MTPN: variants seen among roughly 807,000 people sequenced by gnomAD.
MTPN encodes the protein granule cell differentiation protein.
MTPN carries 2 observed loss-of-function variants against 13.5 expected under a neutral mutation model. The ratio of observed to expected loss-of-function variants is 0.15; its 90% CI spans 0.06 to 0.47. MTPN has a LOEUF of 0.47. Ranked by LOEUF, MTPN falls within the 20% of genes least tolerant of loss-of-function variation. The pLI, the probability that MTPN is intolerant of heterozygous loss-of-function variation, is 0.97. For missense variants in MTPN, 79 were observed against 137.9 expected (o/e 0.57, Z 2.14); for synonymous variants, 46 against 51.7 (o/e 0.89, Z 0.48).
chr7:135,969,096 G>C (rs796223984), intron 1 of MTPN, among the ~76,000 whole-genome samples: 2 of 97,686 alleles, frequency 2.0e-5, no homozygotes, highest in African/African-American at 8.3e-5. Context: ...GGTGGGGGGG[G>C]GGGAGGAGGG....
chr7:135,957,152 T>C (rs1444023978), intron 1 of MTPN, among the ~76,000 whole-genome samples: 2 of 152,234 alleles, frequency 1.3e-5, no homozygotes, highest in Non-Finnish European at 2.9e-5. Flanking sequence ...TCTCTAAATA[T>C]GGTATATTCC....
chr7:135,957,976 A>G (rs548683086), intron 1 of MTPN, among the ~76,000 whole-genome samples: 1 of 152,150 alleles, frequency 6.6e-6, no homozygotes, highest in African/African-American at 2.4e-5. Context: ...AACCAAATAA[A>G]CCTTGTTCTT....
chr7:135,961,093 TAAGTA>T (rs941155768), intron 1 of MTPN, among the ~76,000 whole-genome samples: 11 of 152,044 alleles, frequency 7.2e-5, no homozygotes, highest in African/African-American at 2.7e-4. Context: ...AAAACTCAAT[TAAGTA>T]AAGACTTGAG....
chr7:135,948,440 A>C (rs1331216220), intron 3 of MTPN, among the ~76,000 whole-genome samples: 2 of 152,166 alleles, frequency 1.3e-5, no homozygotes, highest in Non-Finnish European at 2.9e-5. Flanking sequence ...GACACAAAAG[A>C]ACAAAATGGG....
intron 1 of MTPN, among the ~76,000 whole-genome samples, chr7:135,969,037 G>T (rs1481791671): frequency 7.5e-6 from 1 of 132,950 alleles, no homozygotes; most frequent in African/African-American, 2.8e-5. Flanking sequence ...GTGGTGTTTG[G>T]TTTTTTGTTC....
At chr7:135,965,851 T>C (rs1799596566) in intron 1 of MTPN, among the ~76,000 whole-genome samples, 1 of 152,148 alleles carries the variant, frequency 6.6e-6, no homozygotes, top group Admixed American at 6.6e-5. Flanking sequence ...AAGTGGTATA[T>C]GGTAAACCAA....
intron 1 of MTPN, among the ~76,000 whole-genome samples, chr7:135,963,964 T>G (rs989003591): frequency 6.6e-6 from 1 of 152,022 alleles, no homozygotes; most frequent in Non-Finnish European, 1.5e-5. Flanking sequence ...TTTAAAAGCT[T>G]GTGGGAAATT....
intron 3 of MTPN, among the ~76,000 whole-genome samples, chr7:135,937,572 A>G (rs1176967570): frequency 6.6e-6 from 1 of 152,210 alleles, no homozygotes; most frequent in Non-Finnish European, 1.5e-5. Context: ...ACTTTTGTAT[A>G]CTTTAAATTA....
Position 135,929,847 on chromosome 7 carries a change from TAGAG to T in MTPN, c.*75_*78del, listed in dbSNP as rs754512125. 2.2e-6 allele frequency: 3 copies of T among 1,347,438 alleles called. No individual in the cohort carries two copies. Among genetic ancestry groups the T allele is most frequent in the Admixed American group, 1.7e-5 (1 of 59,454 alleles). 83.5% of individuals were successfully genotyped at this position (1,347,438 alleles called of 1,614,324 possible). ...GTATTTAGCTGAAGAAGCTGGCAGA[TAGAG>T]AGTGACAGACAGACAGGCAGCAGTG... is the stretch of plus-strand genomic sequence containing the variant. On this transcript the variant is annotated 3_prime_UTR_variant, in exon 4 of 4. Transcript: ENST00000393085.
chr7:135,971,350 G>C (rs1162991156), intron 1 of MTPN, among the ~76,000 whole-genome samples: 1 of 152,190 alleles, frequency 6.6e-6, no homozygotes, highest in Non-Finnish European at 1.5e-5. Context: ...TCACCTGTAA[G>C]CATGTTGGAT....
At chr7:135,969,554 T>C (rs1283134943) in intron 1 of MTPN, among the ~76,000 whole-genome samples, 2 of 151,454 alleles carry the variant, frequency 1.3e-5, no homozygotes, top group African/African-American at 4.8e-5. Flanking sequence ...CATGCCTTAC[T>C]TCAAAATAAA....
chr7:135,929,804 C>A lies in MTPN; in HGVS notation c.*122G>T. On this transcript the variant is annotated 3_prime_UTR_variant, in exon 4 of 4. Coordinates refer to ENST00000393085, the MANE Select transcript of MTPN (RefSeq NM_145808.4). The stretch of plus-strand genomic sequence containing the variant: ...TCGGATTTGTTATGAATTTCTCTCT[C>A]CCCTCACCCCTCTTAAAGTATTTAG... 1.0e-6 allele frequency: 1 copy of A among 976,514 alleles called. No homozygotes were observed. The highest frequency in any genetic ancestry group is 2.4e-5 in the East Asian group (1 of 41,116). 60.5% of individuals were successfully genotyped at this position (976,514 alleles called of 1,614,324 possible).
chr7:135,944,915 G>A (rs1213254906), intron 3 of MTPN, among the ~76,000 whole-genome samples: 3 of 152,130 alleles, frequency 2.0e-5, no homozygotes, highest in South Asian at 2.1e-4. Context: ...TTTCATCATT[G>A]TGTGAACATC....
chr7:135,976,847 A>C (rs1799781635), intron 1 of MTPN, among the ~76,000 whole-genome samples, 182 bp downstream of exon 1: 1 of 152,010 alleles, frequency 6.6e-6, no homozygotes, highest in South Asian at 2.1e-4. Context: ...CTACCAAGTT[A>C]CCTGGACCCT....
chr7:135,940,107 C>T (rs895612914), intron 3 of MTPN, among the ~76,000 whole-genome samples: 6 of 152,180 alleles, frequency 3.9e-5, no homozygotes, highest in African/African-American at 1.4e-4. Context: ...TCACAAAGAA[C>T]TCCATTATCT....
intron 3 of MTPN, among the ~76,000 whole-genome samples, chr7:135,930,486 T>C (rs1778471115): frequency 6.6e-6 from 1 of 152,202 alleles, no homozygotes; most frequent in South Asian, 2.1e-4. Context: ...ATTTTACTTG[T>C]AAAAACTTCG....
rs193018211 is a variant in MTPN, at chr7:135,947,268, C to T, written c.270+3331G>A. Among the ~76,000 whole-genome samples the T allele has an allele frequency of 5.9e-5, 9 of 152,256 alleles. No homozygotes were observed. The East Asian group carries it at 1.7e-3, about 29-fold the overall frequency. On this transcript the variant is annotated intron_variant, in intron 3 of 3. Transcript: ENST00000393085. ...CCATTTGTTGCTTGGGGGTACTAGG[C>T]ACCTCTGGGCGTGGCCTTGGATCAG...
chr7:135,950,561 G>C, intron 3 of MTPN, 38 bp downstream of exon 3: 5 of 1,455,790 alleles, frequency 3.4e-6, no homozygotes, highest in Non-Finnish European at 4.8e-6. Flanking sequence ...CTTAAACACA[G>C]TAATAGAAAA....
At chr7:135,942,900 TA>T (rs1799236438) in intron 3 of MTPN, among the ~76,000 whole-genome samples, 1 of 152,210 alleles carries the variant, frequency 6.6e-6, no homozygotes, top group South Asian at 2.1e-4. Flanking sequence ...CTAAAAGAGC[TA>T]AACAGTTAAC....
Sources: gnomAD v4.1 joint callset for allele counts (sites outside exome capture counted in the v4.1 genomes callset) on GRCh38, gnomAD v4.1.1 for gene constraint, MANE v1.5 for transcripts, NCBI Gene and HGNC (gene_info 2026-07-23, HGNC 2026-07-21) for gene names.